PLEKHA7: variants seen among roughly 807,000 people sequenced by gnomAD.
The protein encoded by PLEKHA7 is pleckstrin homology domain containing A7.
Under a neutral mutation model 170.0 loss-of-function variants are expected in PLEKHA7, and 104 were observed. That is an observed-to-expected ratio of 0.61 (90% CI 0.52 to 0.72). The LOEUF is 0.72. PLEKHA7 is among the 30% of genes least tolerant of loss of function. PLEKHA7 has a pLI of 0.00. For synonymous variants in PLEKHA7, 648 were observed against 660.8 expected, an observed-to-expected ratio of 0.98 and a Z score of 0.30; for missense variants, 1,615 against 1,671.7, an observed-to-expected ratio of 0.97 and a Z score of 0.59.
chr11:16,849,012 CTT>C (rs1432486212), intron 8 of PLEKHA7, among the ~76,000 whole-genome samples: 7 of 152,194 alleles, frequency 4.6e-5, no homozygotes, highest in Non-Finnish European at 1.0e-4. Context: ...AAAGATAACT[CTT>C]TCAGACTCAC....
At chr11:16,779,991 A>C (rs902264486) in intron 26 of PLEKHA7, among the ~76,000 whole-genome samples, 16 of 133,564 alleles carry the variant, frequency 1.2e-4, no homozygotes, top group African/African-American at 3.5e-4. Context: ...GGGGGGGGGG[A>C]ATATCTTCAT....
chr11:16,830,713 T>C (rs1041015097), intron 9 of PLEKHA7, among the ~76,000 whole-genome samples: 4 of 152,172 alleles, frequency 2.6e-5, no homozygotes, highest in African/African-American at 9.7e-5. Flanking sequence ...CAAGCACCTA[T>C]ACAGCCCCCA....
intron 3 of PLEKHA7, among the ~76,000 whole-genome samples, chr11:16,983,175 A>T (rs1391889794): frequency 6.6e-6 from 1 of 152,190 alleles, no homozygotes; most frequent in African/African-American, 2.4e-5. Context: ...CAGAACCAAA[A>T]GCAATGGGGG....
At chr11:16,898,396 T>G (rs1410949996) in intron 3 of PLEKHA7, among the ~76,000 whole-genome samples, 2 of 152,202 alleles carry the variant, frequency 1.3e-5, no homozygotes, top group African/African-American at 2.4e-5. Flanking sequence ...TAGATTTGAG[T>G]GTTCAGTGGC....
At chr11:16,821,163 A>G (rs1590222943) in intron 10 of PLEKHA7, among the ~76,000 whole-genome samples, 1 of 152,208 alleles carries the variant, frequency 6.6e-6, no homozygotes, top group South Asian at 2.1e-4. Flanking sequence ...TGGAGATGCA[A>G]TATCATTTTT....
At chr11:16,890,570 G>A (rs1044386455) in intron 3 of PLEKHA7, among the ~76,000 whole-genome samples, 8 of 152,200 alleles carry the variant, frequency 5.3e-5, no homozygotes, top group Non-Finnish European at 1.2e-4. Flanking sequence ...TATCATAGAT[G>A]GTAACTCTTG....
chr11:16,851,462 T>G (rs1260798720), intron 7 of PLEKHA7, among the ~76,000 whole-genome samples, 171 bp from the exon 8 acceptor site: 1 of 152,098 alleles, frequency 6.6e-6, no homozygotes, highest in Non-Finnish European at 1.5e-5. Flanking sequence ...ATTTATTTTT[T>G]TTTTGAGACG....
At chr11:16,891,272 C>T (rs1394285534) in intron 3 of PLEKHA7, among the ~76,000 whole-genome samples, 1 of 152,072 alleles carries the variant, frequency 6.6e-6, no homozygotes, top group Non-Finnish European at 1.5e-5. Context: ...ATGTGGAAAT[C>T]CAGTATCAGT....
intron 3 of PLEKHA7, among the ~76,000 whole-genome samples, chr11:17,010,137 G>A (rs915707356): frequency 1.3e-5 from 2 of 151,990 alleles, no homozygotes; most frequent in African/African-American, 2.4e-5. Context: ...CCTGTAATCC[G>A]AGCACTTTGG....
intron 3 of PLEKHA7, among the ~76,000 whole-genome samples, chr11:16,948,604 C>T (rs1861198879): frequency 6.6e-6 from 1 of 151,138 alleles, no homozygotes; most frequent in South Asian, 2.1e-4. Context: ...TATATACTCG[C>T]ACCCCACATG....
intron 3 of PLEKHA7, among the ~76,000 whole-genome samples, chr11:16,899,469 C>T (rs1333226549): frequency 2.0e-5 from 3 of 152,070 alleles, no homozygotes; most frequent in African/African-American, 7.2e-5. Context: ...TGCACTCCAG[C>T]GCTGGGCAAA....
At chr11:16,888,808 T>C in intron 3 of PLEKHA7, among the ~76,000 whole-genome samples, 1 of 143,248 alleles carries the variant, frequency 7.0e-6, no homozygotes, top group African/African-American at 2.6e-5. Flanking sequence ...CCCTGCCAAA[T>C]CCCCCTCTGC....
intron 3 of PLEKHA7, among the ~76,000 whole-genome samples, chr11:16,913,336 G>A (rs943395630): frequency 6.6e-6 from 1 of 152,168 alleles, no homozygotes; most frequent in African/African-American, 2.4e-5. Context: ...GTTCTGCAGA[G>A]GGCGCGGGAG....
chr11:16,782,996 G>A (rs764804447), intron 25 of PLEKHA7, 100 bp from the exon 26 acceptor site: 164 of 1,301,284 alleles, frequency 1.3e-4, no homozygotes, highest in Non-Finnish European at 2.2e-5. Context: ...ACATTTTGAG[G>A]GGGATCAGAC....
At chr11:16,810,750 A>T (rs1421370639) in intron 13 of PLEKHA7, among the ~76,000 whole-genome samples, 1 of 152,224 alleles carries the variant, frequency 6.6e-6, no homozygotes, top group African/African-American at 2.4e-5. Flanking sequence ...ATCCAAGCTC[A>T]GCTCCACAAA....
At chr11:16,893,335 A>G (rs1443913777) in intron 3 of PLEKHA7, among the ~76,000 whole-genome samples, 1 of 152,212 alleles carries the variant, frequency 6.6e-6, no homozygotes, top group Non-Finnish European at 1.5e-5. Context: ...CAAGGTAAAC[A>G]ATAATACCAA....
Position 16,887,330 on chromosome 11 carries a change from C to T in PLEKHA7, c.222-16148G>A, listed in dbSNP as rs530198413. Among the ~76,000 whole-genome samples, 887 of 123,240 alleles carry T rather than the reference C, an allele frequency of 7.2e-3. 4 individuals carry two copies. Among genetic ancestry groups the T allele is most frequent in the Admixed American group, 0.012 (153 of 12,730 alleles). 80.9% of individuals were successfully genotyped at this position (123,240 alleles called of 152,430 possible). ...CTCCCTCTCCCTCTCCCTCTCCCCA[C>T]GGTCTCCCTCTCCCTCTCCCCACGG... On this transcript the variant is annotated intron_variant, in intron 3 of 26. Coordinates refer to ENST00000531066, the MANE Select transcript of PLEKHA7 (RefSeq NM_001329630.2).
intron 3 of PLEKHA7, among the ~76,000 whole-genome samples, chr11:17,000,547 G>A (rs1334474038): frequency 2.6e-5 from 4 of 152,080 alleles, no homozygotes; most frequent in Admixed American, 1.3e-4. Flanking sequence ...TCTCCCTCTG[G>A]CTAGCCTGAC....
chr11:16,918,954 T>C (rs1353722818), intron 3 of PLEKHA7, among the ~76,000 whole-genome samples: 3 of 152,124 alleles, frequency 2.0e-5, no homozygotes, highest in Non-Finnish European at 4.4e-5. Flanking sequence ...CTCATGCCTA[T>C]AATGCCAGCA....
Sources: gnomAD v4.1 joint callset for allele counts (sites outside exome capture counted in the v4.1 genomes callset) on GRCh38, gnomAD v4.1.1 for gene constraint, MANE v1.5 for transcripts, NCBI Gene and HGNC (gene_info 2026-07-23, HGNC 2026-07-21) for gene names.